The following BCAS3 variants were observed in gnomAD, a reference collection of about 807,000 sequenced individuals.
BCAS3 encodes BCAS3 microtubule associated cell migration factor, also known as BCAS4/BCAS3 fusion.
BCAS3 carries 53 observed loss-of-function variants against 116.1 expected under a neutral mutation model. The observed-to-expected ratio is 0.46, with a 90% CI of 0.37 to 0.57. BCAS3 has a LOEUF of 0.57. Ranked by LOEUF, BCAS3 falls within the 20% of genes least tolerant of loss-of-function variation. The probability of loss-of-function intolerance (pLI) is 0.00; values close to 1 mark genes in which losing one functional copy is unlikely to be tolerated. For missense variants in BCAS3, 917 were observed against 1,165.4 expected (o/e 0.79, Z 3.10); for synonymous variants, 391 against 408.2 (o/e 0.96, Z 0.51).
chr17:61,240,536 C>T (rs1353129489), intron 22 of BCAS3, among the ~76,000 whole-genome samples: 1 of 152,190 alleles, frequency 6.6e-6, no homozygotes, highest in Non-Finnish European at 1.5e-5. Context: ...CGCCTGTAAT[C>T]CCAGCTACTC....
chr17:60,985,388 C>G (rs1220660874), intron 14 of BCAS3, among the ~76,000 whole-genome samples: 1 of 152,022 alleles, frequency 6.6e-6, no homozygotes, highest in Non-Finnish European at 1.5e-5. Context: ...CTCAGGTGAT[C>G]CACCCGTCTT....
In BCAS3 at chr17:61,077,489, T is replaced by C. The variant is rs1247618157; in HGVS notation, c.2131-844T>C. On this transcript the variant is annotated intron_variant, in intron 20 of 23. Transcript: ENST00000407086. This position sits in a 1 kb window ranked among gnomAD's most constrained non-coding sequence, Gnocchi z 4.3. ...CGGAGATCACGCCACTGCACTCCAGTCTGGGCAACAGAGCGAGACTCCGTC... is the reference window on the plus strand; with the variant it reads ...CGGAGATCACGCCACTGCACTCCAGCCTGGGCAACAGAGCGAGACTCCGTC... Among the ~76,000 whole-genome samples the C allele has an allele frequency of 1.3e-5, 2 of 151,864 alleles. No individual in the cohort carries two copies. Among genetic ancestry groups the C allele is most frequent in the East Asian group, 3.9e-4 (2 of 5,166 alleles).
At chr17:60,774,297 C>T (rs1368547161) in intron 6 of BCAS3, among the ~76,000 whole-genome samples, 3 of 152,074 alleles carry the variant, frequency 2.0e-5, no homozygotes, top group East Asian at 1.9e-4. Flanking sequence ...TTACAATTTG[C>T]GTGTACATGT....
intron 5 of BCAS3, among the ~76,000 whole-genome samples, chr17:60,726,602 C>T (rs2039891387): frequency 6.6e-6 from 1 of 151,442 alleles, no homozygotes; most frequent in Non-Finnish European, 1.5e-5. Flanking sequence ...CTCCGCCTCG[C>T]AGGTTCACGC....
At chr17:60,760,778 C>G (rs1039911985) in intron 6 of BCAS3, among the ~76,000 whole-genome samples, 12 of 152,132 alleles carry the variant, frequency 7.9e-5, no homozygotes, top group African/African-American at 2.2e-4. Context: ...AAGTTTTCAT[C>G]TAACATTTTG....
intron 22 of BCAS3, among the ~76,000 whole-genome samples, chr17:61,223,803 G>A (rs1289656455): frequency 6.6e-6 from 1 of 152,220 alleles, no homozygotes; most frequent in Non-Finnish European, 1.5e-5. Context: ...GAGGGCCTTT[G>A]ATGAGGTGGC....
chr17:60,877,199 C>T (rs184418989), intron 9 of BCAS3, among the ~76,000 whole-genome samples: 10 of 151,670 alleles, frequency 6.6e-5, no homozygotes, highest in African/African-American at 9.7e-5. Context: ...TATACACACA[C>T]ATATATACAT....
At chr17:61,121,194 C>T (rs1216042100) in intron 22 of BCAS3, among the ~76,000 whole-genome samples, 8 of 151,944 alleles carry the variant, frequency 5.3e-5, no homozygotes, top group African/African-American at 1.4e-4. Flanking sequence ...TCATTGGTTA[C>T]GTTACATGCT....
At chr17:60,759,201 T>G (rs1212940688) in intron 6 of BCAS3, among the ~76,000 whole-genome samples, 2 of 152,232 alleles carry the variant, frequency 1.3e-5, no homozygotes, top group African/African-American at 4.8e-5. Flanking sequence ...AGATTTCAGT[T>G]TCTAAAAATT....
chr17:61,119,551 T>C (rs568136866), intron 22 of BCAS3, among the ~76,000 whole-genome samples: 2 of 152,194 alleles, frequency 1.3e-5, no homozygotes, highest in East Asian at 3.9e-4. Flanking sequence ...ATAATAGCTA[T>C]CTTAAACCAA....
intron 22 of BCAS3, among the ~76,000 whole-genome samples, chr17:61,262,290 T>C (rs1468251785): frequency 1.3e-5 from 2 of 150,580 alleles, no homozygotes; most frequent in Non-Finnish European, 3.0e-5. Flanking sequence ...AGAAAACATA[T>C]GCAAAACCTT....
intron 22 of BCAS3, among the ~76,000 whole-genome samples, chr17:61,322,816 G>GAC (rs2055363845): frequency 1.0e-4 from 13 of 129,862 alleles, no homozygotes; most frequent in African/African-American, 4.1e-4. Flanking sequence ...GAGAGAGAGA[G>GAC]AGAGAGAGAG....
rs2048216706 is a variant in BCAS3 at position 61,249,527 on chromosome 17, G to C, written c.2426-118800G>C. On this transcript the variant is annotated intron_variant, in intron 22 of 23. Coordinates refer to ENST00000407086, the MANE Select transcript of BCAS3 (RefSeq NM_017679.5). This position sits in a 1 kb window ranked among gnomAD's most constrained non-coding sequence, Gnocchi z 6.2. ...CTGAAGGAGAGAGATCTCAACAGCA[G>C]AGATGGACTCTAGTGTCCCAACATA... 6.6e-6 allele frequency among the ~76,000 whole-genome samples: 1 copy of C among 152,178 alleles called. No homozygotes were observed. The highest frequency in any genetic ancestry group is 6.5e-5 in the Admixed American group (1 of 15,272).
intron 19 of BCAS3, among the ~76,000 whole-genome samples, chr17:61,054,120 G>A (rs1371605917): frequency 6.6e-6 from 1 of 152,038 alleles, no homozygotes. Context: ...TTTTGCATTT[G>A]TGTTCATTGG....
At position 61,087,276 on chromosome 17, in the gene BCAS3, C is replaced by G. The variant is rs1568324488; in HGVS notation, c.2425+2712C>G. 3.3e-6 allele frequency: 3 copies of G among 907,590 alleles called. No homozygotes were observed. In the African/African-American group the frequency reaches 5.4e-5, roughly 16 times the overall value. 56.2% of individuals were successfully genotyped at this position (907,590 alleles called of 1,614,324 possible). On this transcript the variant is annotated intron_variant, in intron 22 of 23. Coordinates refer to ENST00000407086, the MANE Select transcript of BCAS3 (RefSeq NM_017679.5). The surrounding 1 kb of genome is among the most constrained non-coding windows in gnomAD (Gnocchi z 4.6). ...ACCTCCTCTGTTGGTCTTCATTGCC[C>G]TGTATTACCTTCAAGCATTTTATAT...
At chr17:60,726,146 T>C (rs1476461372) in intron 5 of BCAS3, among the ~76,000 whole-genome samples, 2 of 149,750 alleles carry the variant, frequency 1.3e-5, no homozygotes, top group Non-Finnish European at 3.0e-5. Context: ...AAGACCGCCT[T>C]GGCCTCCCAA....
chr17:60,984,743 C>T (rs910831432), intron 14 of BCAS3, among the ~76,000 whole-genome samples: 3 of 152,032 alleles, frequency 2.0e-5, no homozygotes, highest in Non-Finnish European at 4.4e-5. Context: ...GGCACAGTGG[C>T]TCACGCCTGT....
intron 15 of BCAS3, among the ~76,000 whole-genome samples, chr17:61,009,580 GAT>G (rs2064968268): frequency 6.6e-6 from 1 of 151,916 alleles, no homozygotes; most frequent in Admixed American, 6.6e-5. Context: ...AATATGGTAA[GAT>G]ATGGAAATTT....
intron 22 of BCAS3, among the ~76,000 whole-genome samples, chr17:61,269,994 G>A (rs558818948): frequency 2.4e-4 from 36 of 151,364 alleles, no homozygotes; most frequent in African/African-American, 6.5e-4. Context: ...TGGTAGAGAC[G>A]GGTTTTTGCC....
Sources: gnomAD v4.1 joint callset for allele counts (sites outside exome capture counted in the v4.1 genomes callset) on GRCh38, gnomAD v4.1.1 for gene constraint, Gnocchi (gnomAD v3.1) non-coding constraint, MANE v1.5 for transcripts, NCBI Gene and HGNC (gene_info 2026-07-23, HGNC 2026-07-21) for gene names.